The following ANO1 variants were observed in gnomAD, a reference collection of about 807,000 sequenced individuals.
The protein encoded by ANO1 is anoctamin-1.
Under a neutral mutation model 124.0 loss-of-function variants are expected in ANO1, and 59 were observed. That is an observed-to-expected ratio of 0.48 (90% CI 0.39 to 0.59). ANO1 has a LOEUF of 0.59. Among genes scored for constraint, ANO1 ranks in the 20% least tolerant of loss-of-function variants. The pLI, the probability that ANO1 is intolerant of heterozygous loss-of-function variation, is 0.00. For missense variants in ANO1, 1,059 were observed against 1,328.0 expected (o/e 0.80, Z 3.15); for synonymous variants, 529 against 532.0 (o/e 0.99, Z 0.08).
intron 25 of ANO1, among the ~76,000 whole-genome samples, chr11:70,186,028 G>C (rs1168426363): frequency 6.6e-6 from 1 of 152,166 alleles, no homozygotes; most frequent in Non-Finnish European, 1.5e-5. Context: ...GCTCACACCT[G>C]TAATCCCAGC....
intron 1 of ANO1, chr11:70,063,861 A>G (rs188604933): frequency 1.3e-5 from 2 of 151,752 alleles, no homozygotes; most frequent in Admixed American, 1.3e-4. Flanking sequence ...CCTTGTTCTC[A>G]CTTTTCTTTC....
intron 1 of ANO1, among the ~76,000 whole-genome samples, chr11:70,041,438 G>A (rs1163934993): frequency 2.0e-5 from 3 of 152,212 alleles, no homozygotes; most frequent in South Asian, 2.1e-4. Flanking sequence ...ATTTACACAC[G>A]CACAACTATT....
rs567867545 is a variant in ANO1 at position 70,060,056 on chromosome 11, C to A, written c.59-18486C>A. On this transcript the variant is annotated intron_variant, in intron 1 of 27. Transcript: ENST00000531349. The stretch of plus-strand genomic sequence containing the variant: ...GTCCTTTATAATGAATGACTCCAGC[C>A]TTGGCGGCAGGAGAGCAGTCTTAAG... Among the ~76,000 whole-genome samples the A allele has an allele frequency of 1.2e-4, 18 of 147,658 alleles. No homozygotes were observed. The South Asian group carries it at 4.0e-3, about 33-fold the overall frequency.
intron 1 of ANO1, among the ~76,000 whole-genome samples, chr11:70,062,067 CTTTTTTTTTT>C (rs1175846749): frequency 8.0e-5 from 5 of 62,288 alleles, no homozygotes; most frequent in African/African-American, 2.5e-4. Flanking sequence ...TTCCTTCTTT[CTTTTTTTTTT>C]TTTTTTTTTT....
intron 22 of ANO1, among the ~76,000 whole-genome samples, chr11:70,178,671 C>A (rs2048822188): frequency 6.6e-6 from 1 of 151,868 alleles, no homozygotes; most frequent in South Asian, 2.1e-4. Context: ...TCAATCTATT[C>A]TCGTGCCTCA....
chr11:69,984,319 C>T (rs577910505), upstream of ANO1, among the ~76,000 whole-genome samples: 1 of 150,936 alleles, frequency 6.6e-6, no homozygotes, highest in African/African-American at 2.4e-5. Context: ...TGAGGGTGAG[C>T]CTGCCGCCCA....
rs757769819 is a variant in ANO1 at position 70,126,163 on chromosome 11, C to T, written c.1065C>T (p.Tyr355=). ...TCGTGGGAATCATTGTCTTCCTGTA[C>T]GGATGCGCCACCATGGATGAAAACA... ...ASIVGIIVFL[Y]GCATMDENIP... The change falls in exon 10 of 26, where the codon TAC becomes TAT. Residue 355 remains tyrosine, a synonymous_variant. Transcript: ENST00000355303. The T allele has an allele frequency of 6.2e-6, 10 of 1,613,352 alleles. No homozygotes were observed. Among genetic ancestry groups the T allele is most frequent in the South Asian group, 3.3e-5 (3 of 90,922 alleles).
intron 22 of ANO1, among the ~76,000 whole-genome samples, chr11:70,175,074 A>C (rs777471887): frequency 3.9e-5 from 6 of 152,032 alleles, no homozygotes; most frequent in Non-Finnish European, 5.9e-5. Context: ...TGCTTCGAGA[A>C]GCTCTGGCTG....
chr11:70,115,607 CA>C (rs1200234960), intron 7 of ANO1, among the ~76,000 whole-genome samples: 2 of 152,008 alleles, frequency 1.3e-5, no homozygotes, highest in African/African-American at 4.8e-5. Context: ...AGTGAAACTC[CA>C]TCTCAAAAAC....
intron 1 of ANO1, among the ~76,000 whole-genome samples, chr11:70,084,627 G>A (rs1018694351): frequency 4.6e-5 from 7 of 152,154 alleles, no homozygotes; most frequent in East Asian, 1.9e-4. Context: ...CTGACTACAC[G>A]GCCTGCCATG....
intron 1 of ANO1, among the ~76,000 whole-genome samples, chr11:70,021,772 C>T (rs1856814630): frequency 6.6e-6 from 1 of 152,174 alleles, no homozygotes; most frequent in African/African-American, 2.4e-5. Flanking sequence ...GAAGCCAGAG[C>T]CCTGTAAACT....
chr11:70,006,600 CTTCT>C (rs1856490194), intron 1 of ANO1, among the ~76,000 whole-genome samples: 2 of 148,136 alleles, frequency 1.4e-5, no homozygotes, highest in East Asian at 2.0e-4. Flanking sequence ...TCTTTCTTTC[CTTCT>C]TTCTTTCTCT....
At position 70,055,800 on chromosome 11, in the gene ANO1, C is replaced by A. The variant is rs1298440376; in HGVS notation, c.59-22742C>A. Among the ~76,000 whole-genome samples the A allele has an allele frequency of 2.0e-5, 3 of 151,920 alleles. No individual in the cohort carries two copies. The East Asian group carries it at 5.8e-4, about 29-fold the overall frequency. On this transcript the variant is annotated intron_variant, in intron 1 of 27. Transcript: ENST00000531349. ...ATTCTTTTTTTTAATTGCCATATCTCTTCTATTATTTCGTTAGTTATACAT... is the reference window on the plus strand; with the variant it reads ...ATTCTTTTTTTTAATTGCCATATCTATTCTATTATTTCGTTAGTTATACAT...
intron 11 of ANO1, among the ~76,000 whole-genome samples, chr11:70,142,446 C>CA (rs1399478657): frequency 6.6e-6 from 1 of 152,132 alleles, no homozygotes; most frequent in East Asian, 1.9e-4. Flanking sequence ...CCCGGTGACT[C>CA]AGAGCGAAAG....
At chr11:70,026,004 A>T (rs1298971224) in intron 1 of ANO1, among the ~76,000 whole-genome samples, 2 of 136,680 alleles carry the variant, frequency 1.5e-5, no homozygotes, top group African/African-American at 5.8e-5. Context: ...GATGATGATG[A>T]TGATGATGGT....
chr11:70,085,626 C>A, intron 1 of ANO1: 5 of 1,534,172 alleles, frequency 3.3e-6, no homozygotes, highest in Non-Finnish European at 4.4e-6. Flanking sequence ...GTCCCCTAAC[C>A]AGGGGTAGAG....
At position 70,030,191 on chromosome 11, in the gene ANO1, G is replaced by A. The variant is rs181500385; in HGVS notation, c.58+44025G>A. On this transcript the variant is annotated intron_variant, in intron 1 of 27. Transcript: ENST00000531349. ...CACTTGGCCTGAGATGACCGAAGAC[G>A]CCTTGGGGGCTGCAGCCCAGGCTTA... 1.1e-4 allele frequency among the ~76,000 whole-genome samples: 17 copies of A among 152,346 alleles called. No individual in the cohort carries two copies. The East Asian group carries it at 3.1e-3, about 28-fold the overall frequency.
At chr11:70,176,683 C>A (rs1007019547) in intron 22 of ANO1, among the ~76,000 whole-genome samples, 7 of 152,068 alleles carry the variant, frequency 4.6e-5, no homozygotes, top group Admixed American at 1.3e-4. Context: ...GAGGCCTGTC[C>A]GACCCTCCTC....
chr11:70,098,951 G>A (rs1471835160), intron 2 of ANO1, among the ~76,000 whole-genome samples: 1 of 152,210 alleles, frequency 6.6e-6, no homozygotes, highest in East Asian at 1.9e-4. Context: ...TCTGGGCTGG[G>A]TTCAGAGGGA....
Sources: gnomAD v4.1 joint callset for allele counts (sites outside exome capture counted in the v4.1 genomes callset) on GRCh38, gnomAD v4.1.1 for gene constraint, MANE v1.5 for transcripts, NCBI Gene and HGNC (gene_info 2026-07-23, HGNC 2026-07-21) for gene names.